The following ZNF608 variants were observed in gnomAD, a reference collection of about 807,000 sequenced individuals.
ZNF608 encodes zinc finger protein 608, also known as renal carcinoma antigen NY-REN-36.
Under a neutral mutation model 109.0 loss-of-function variants are expected in ZNF608, and 12 were observed. That is an observed-to-expected ratio of 0.11 (90% CI 0.07 to 0.18). ZNF608 has a LOEUF of 0.18. ZNF608 is among the 10% of genes least tolerant of loss of function. ZNF608 has a pLI of 1.00. For synonymous variants in ZNF608, 732 were observed against 717.4 expected, an observed-to-expected ratio of 1.02 and a Z score of -0.33; for missense variants, 1,707 against 1,879.3, an observed-to-expected ratio of 0.91 and a Z score of 1.70.
chr5:124,716,080 T>C (rs1287901128), intron 2 of ZNF608, among the ~76,000 whole-genome samples: 2 of 131,720 alleles, frequency 1.5e-5, no homozygotes, highest in African/African-American at 5.8e-5. Flanking sequence ...GAGGCGGAGC[T>C]GGCAGTGAGC....
In ZNF608 at chr5:124,746,437, AATAATGTTTCAC is replaced by A; in HGVS notation, c.-438_-427del. On this transcript the variant is annotated 5_prime_UTR_variant, in exon 1 of 10. It removes an upstream start codon present in the reference 5' UTR. Transcript: ENST00000513986. ...AAAATGTGTCACTGTACAGCTGGAA[AATAATGTTTCAC>A]ATTCACAACAGAAGCACCAAAGGTT... 1 of 985,450 alleles carries A rather than the reference AATAATGTTTCAC, an allele frequency of 1.0e-6. No homozygotes were observed. Among genetic ancestry groups the A allele is most frequent in the Non-Finnish European group, 1.2e-6 (1 of 829,940 alleles). The allele number at this position is 985,450 out of a possible 1,614,324, so 61.0% of individuals were successfully genotyped here.
At chr5:124,677,053 C>T (rs1348457021) in intron 3 of ZNF608, among the ~76,000 whole-genome samples, 1 of 152,032 alleles carries the variant, frequency 6.6e-6, no homozygotes, top group African/African-American at 2.4e-5. Flanking sequence ...CATGTTGTTT[C>T]TTATATCTTA....
chr5:124,637,946 A>T (rs199649885), intron 9 of ZNF608, 40 bp from the exon 10 acceptor site: 1 of 1,609,948 alleles, frequency 6.2e-7, no homozygotes, highest in Non-Finnish European at 8.5e-7. Context: ...GGTTCTATCA[A>T]CATTTTGTTT....
At chr5:124,719,204 A>C (rs994288770) in intron 2 of ZNF608, among the ~76,000 whole-genome samples, 1 of 152,238 alleles carries the variant, frequency 6.6e-6, no homozygotes, top group African/African-American at 2.4e-5. Flanking sequence ...TAGCTCTGAC[A>C]ACCCATACAT....
chr5:124,662,300 C>T (rs141347137), intron 3 of ZNF608, among the ~76,000 whole-genome samples: 300 of 152,336 alleles, frequency 2.0e-3, no homozygotes, highest in African/African-American at 7.0e-3. Context: ...GCTTTCCTTG[C>T]GAATCTGAGC....
intron 2 of ZNF608, among the ~76,000 whole-genome samples, chr5:124,702,375 T>C (rs1753086106): frequency 6.6e-6 from 1 of 152,162 alleles, no homozygotes; most frequent in Non-Finnish European, 1.5e-5. Context: ...ACAAATCCTA[T>C]ATGTAAAAAG....
intron 3 of ZNF608, among the ~76,000 whole-genome samples, chr5:124,661,327 C>A (rs1448356481): frequency 6.6e-6 from 1 of 152,140 alleles, no homozygotes; most frequent in African/African-American, 2.4e-5. Flanking sequence ...TGAGACTCTG[C>A]AGCAAGGCTC....
At chr5:124,656,832 A>T (rs1163913267) in intron 3 of ZNF608, among the ~76,000 whole-genome samples, 1 of 151,274 alleles carries the variant, frequency 6.6e-6, no homozygotes, top group African/African-American at 2.4e-5. Flanking sequence ...ACACACACAC[A>T]CACACACACA....
chr5:124,667,028 A>G (rs1751508134), intron 3 of ZNF608, among the ~76,000 whole-genome samples: 1 of 152,194 alleles, frequency 6.6e-6, no homozygotes, highest in Non-Finnish European at 1.5e-5. Context: ...TGCAGAAGGT[A>G]TCCTCTGGAG....
chr5:124,652,910 CTT>C (rs1750855220), intron 3 of ZNF608, among the ~76,000 whole-genome samples: 1 of 152,236 alleles, frequency 6.6e-6, no homozygotes, highest in Admixed American at 6.5e-5. Context: ...TAAGTGTACA[CTT>C]ATTCCAGAAA....
rs541061054 is a variant in ZNF608 at position 124,693,416 on chromosome 5, C to T, written c.1162+7598G>A. Among the ~76,000 whole-genome samples, 65 of 152,174 alleles carry T rather than the reference C, an allele frequency of 4.3e-4. 1 individual carries two copies. The South Asian group carries it at 0.012, about 28-fold the overall frequency. The stretch of plus-strand genomic sequence containing the variant: ...TATACACACAAATATTACAAGATAG[C>T]GCTTACATCTTTTACTATAACTAAG... On this transcript the variant is annotated intron_variant, in intron 3 of 9. Transcript: ENST00000513986.
intron 3 of ZNF608, among the ~76,000 whole-genome samples, chr5:124,652,926 T>C (rs1229840834): frequency 6.6e-6 from 1 of 152,220 alleles, no homozygotes; most frequent in Non-Finnish European, 1.5e-5. Context: ...CCAGAAAGAT[T>C]AGTTTCTTTT....
chr5:124,674,069 T>TCC (rs1397890601), intron 3 of ZNF608, among the ~76,000 whole-genome samples: 1 of 152,196 alleles, frequency 6.6e-6, no homozygotes, highest in Non-Finnish European at 1.5e-5. Context: ...TGGGCCATGT[T>TCC]CCCCAAACTT....
chr5:124,668,390 C>T (rs1351289848), intron 3 of ZNF608, among the ~76,000 whole-genome samples: 1 of 150,194 alleles, frequency 6.7e-6, no homozygotes, highest in East Asian at 1.9e-4. Context: ...AACAAAACAC[C>T]ACACAGAAAA....
At chr5:124,717,238 G>T (rs1004049387) in intron 2 of ZNF608, among the ~76,000 whole-genome samples, 3 of 152,132 alleles carry the variant, frequency 2.0e-5, no homozygotes, top group Admixed American at 6.5e-5. Context: ...GGCCTAGGTG[G>T]GCGAATCACC....
At chr5:124,721,844 T>C (rs1753917034) in intron 2 of ZNF608, among the ~76,000 whole-genome samples, 1 of 143,564 alleles carries the variant, frequency 7.0e-6, no homozygotes, top group African/African-American at 2.6e-5. Context: ...AGGAAGGCTG[T>C]AGCAGGAGAA....
At chr5:124,721,523 G>C (rs1753902149) in intron 2 of ZNF608, among the ~76,000 whole-genome samples, 2 of 152,064 alleles carry the variant, frequency 1.3e-5, no homozygotes, top group Admixed American at 1.3e-4. Flanking sequence ...TGTTTCCAGA[G>C]CAATAAATAG....
intron 2 of ZNF608, among the ~76,000 whole-genome samples, chr5:124,706,930 G>A (rs1307990856): frequency 6.6e-6 from 1 of 152,194 alleles, no homozygotes; most frequent in Non-Finnish European, 1.5e-5. Context: ...GGAGCAGGGA[G>A]GCTGAAGGGA....
chr5:124,673,040 C>T (rs533869159), intron 3 of ZNF608, among the ~76,000 whole-genome samples: 2 of 152,220 alleles, frequency 1.3e-5, no homozygotes, highest in African/African-American at 4.8e-5. Context: ...AAACATAACC[C>T]GAAAGACTGG....
Sources: gnomAD v4.1 joint callset for allele counts (sites outside exome capture counted in the v4.1 genomes callset) on GRCh38, gnomAD v4.1.1 for gene constraint, MANE v1.5 for transcripts, NCBI Gene and HGNC (gene_info 2026-07-23, HGNC 2026-07-21) for gene names.